Variants in CDKL5 observed in about 807,000 individuals in gnomAD.
CDKL5 encodes cyclin-dependent kinase-like 5.
In CDKL5, 8 loss-of-function variants were observed where a neutral mutation model predicts 61.7. That is an observed-to-expected ratio of 0.13 (90% CI 0.08 to 0.23). CDKL5 has a LOEUF of 0.23. Among genes scored for constraint, CDKL5 ranks in the 10% least tolerant of loss-of-function variants. CDKL5 has a pLI of 1.00. For missense variants in CDKL5, 440 were observed against 734.5 expected (o/e 0.60, Z 4.63); for synonymous variants, 275 against 272.3 (o/e 1.01, Z -0.10).
At chrX:18,489,509 C>A (rs774478521) in intron 1 of CDKL5, among the ~76,000 whole-genome samples, 7 of 110,868 alleles carry the variant, frequency 6.3e-5, no homozygotes, top group Non-Finnish European at 9.4e-5. Context: ...CATAGGAAGC[C>A]TCTGCATAAT....
At chrX:18,625,307 C>T (rs1343621950) in intron 17 of CDKL5, 60 bp downstream of exon 17, 7 of 1,159,160 alleles carry the variant, frequency 6.0e-6, no homozygotes, top group South Asian at 1.8e-5. Context: ...TCCTGAGGAG[C>T]GGGGAGGGCA....
At chrX:18,512,540 T>C (rs1441494999) in intron 3 of CDKL5, among the ~76,000 whole-genome samples, 1 of 111,477 alleles carries the variant, frequency 9.0e-6, no homozygotes, top group South Asian at 3.7e-4. Flanking sequence ...GCTTTTGTAT[T>C]CTTCTTGAAA....
At chrX:18,442,618 C>T (rs1365599401) in intron 1 of CDKL5, among the ~76,000 whole-genome samples, 1 of 111,014 alleles carries the variant, frequency 9.0e-6, no homozygotes, top group Admixed American at 9.7e-5. Flanking sequence ...CTCAGCCTCC[C>T]GAGTAGCTGG....
chrX:18,647,893 G>GAAA (rs5901648), intron 20 of CDKL5, among the ~76,000 whole-genome samples: 1 of 106,821 alleles, frequency 9.4e-6, no homozygotes, highest in African/African-American at 3.4e-5. Flanking sequence ...CCAGTCTAAT[G>GAAA]AAAAAAAAAA....
chrX:18,495,693 A>T (rs1039690621), intron 1 of CDKL5, among the ~76,000 whole-genome samples: 2 of 111,586 alleles, frequency 1.8e-5, no homozygotes, highest in African/African-American at 6.5e-5. Context: ...CCTTGAATTT[A>T]TCAAACTCTC....
chrX:18,499,361 GTT>G (rs1192828653), intron 1 of CDKL5, among the ~76,000 whole-genome samples: 2 of 83,517 alleles, frequency 2.4e-5, no homozygotes, highest in Non-Finnish European at 2.4e-5. Context: ...TTCAGTCTTT[GTT>G]TTTTTTTTTT....
In CDKL5 at chrX:18,442,181, T is replaced by C. The variant is rs1424312646; in HGVS notation, c.-163+16486T>C. 4 of 111,496 alleles carry C rather than the reference T, an allele frequency of 3.6e-5. No individual in the cohort carries two copies. In the Admixed American group the frequency reaches 3.8e-4, roughly 11 times the overall value. 9.2% of individuals were successfully genotyped at this position (111,496 alleles called of 1,213,427 possible). A position where few individuals can be genotyped will look rare whatever the true frequency, so the allele number is the denominator to read the frequency against. On this transcript the variant is annotated intron_variant, in intron 1 of 17. Coordinates refer to ENST00000623535, the MANE Select transcript of CDKL5 (RefSeq NM_001323289.2). ...GCCCACCCCCAGGTTTGCATCACAA[T>C]GAGCCTACCTCAGGACTCTTTAGAG...
At chrX:18,483,444 G>A (rs1921662343) in intron 1 of CDKL5, among the ~76,000 whole-genome samples, 1 of 110,169 alleles carries the variant, frequency 9.1e-6, no homozygotes, top group Admixed American at 9.7e-5. Context: ...TTGAGATGGA[G>A]TCTCGCTCTG....
intron 2 of CDKL5, among the ~76,000 whole-genome samples, chrX:18,507,788 C>T (rs1922640292): frequency 9.0e-6 from 1 of 111,267 alleles, no homozygotes; most frequent in African/African-American, 3.3e-5. Flanking sequence ...TTACTTAATA[C>T]CTGGTAAATA....
At chrX:18,545,231 G>C (rs1306360615) in intron 3 of CDKL5, among the ~76,000 whole-genome samples, 1 of 110,659 alleles carries the variant, frequency 9.0e-6, no homozygotes, top group African/African-American at 3.3e-5. Context: ...GTGCAACTCT[G>C]TCTCAAATAA....
intron 3 of CDKL5, among the ~76,000 whole-genome samples, chrX:18,541,479 A>G (rs888595843): frequency 4.5e-5 from 5 of 111,212 alleles, no homozygotes; most frequent in Non-Finnish European, 9.4e-5. Context: ...TGAGTTTTAA[A>G]TTTCAGTTAT....
intron 20 of CDKL5, chrX:18,647,767 C>T (rs1270474047): frequency 6.6e-6 from 1 of 150,494 alleles, no homozygotes; most frequent in African/African-American, 3.1e-5. Context: ...CTCTTGTTGT[C>T]CTTGGGCAGC....
intron 12 of CDKL5, among the ~76,000 whole-genome samples, chrX:18,605,700 G>A (rs1425790592): frequency 1.8e-5 from 2 of 112,770 alleles, no homozygotes; most frequent in Non-Finnish European, 3.7e-5. Context: ...TGTGCCCAGT[G>A]CCTGGCACAA....
chrX:18,641,930 T>G, downstream of CDKL5: 2 of 1,069,843 alleles, frequency 1.9e-6, no homozygotes, highest in Non-Finnish European at 1.3e-6. Flanking sequence ...TCCATCTCGG[T>G]GGTGTGTGAG....
At chrX:18,538,249 G>T (rs1923908730) in intron 3 of CDKL5, among the ~76,000 whole-genome samples, 1 of 111,850 alleles carries the variant, frequency 8.9e-6, no homozygotes, top group African/African-American at 3.2e-5. Context: ...TTTCTTCAGT[G>T]AAGTACCCGT....
chrX:18,560,776 T>TACACACACACAC (rs57724882), intron 3 of CDKL5, among the ~76,000 whole-genome samples: 92 of 104,272 alleles, frequency 8.8e-4, no homozygotes, highest in African/African-American at 3.2e-3. Flanking sequence ...ATTCAAAAAA[T>TACACACACACAC]ACACACACAC....
chrX:18,498,167 T>TA (rs1408596808), intron 1 of CDKL5, among the ~76,000 whole-genome samples: 1 of 110,798 alleles, frequency 9.0e-6, no homozygotes, highest in Non-Finnish European at 1.9e-5. Context: ...TAGAGGTAAT[T>TA]AATATCCTGA....
intron 1 of CDKL5, among the ~76,000 whole-genome samples, chrX:18,436,434 G>A (rs1041139721): frequency 6.3e-5 from 7 of 111,657 alleles, no homozygotes; most frequent in African/African-American, 2.3e-4. Flanking sequence ...TGGAGAGTCT[G>A]TCCTTGGGGG....
chrX:18,518,405 T>A (rs1044751709), intron 3 of CDKL5, among the ~76,000 whole-genome samples: 4 of 65,439 alleles, frequency 6.1e-5, no homozygotes, highest in Non-Finnish European at 1.2e-4. Context: ...TTTTTTTTTT[T>A]TTTTTTTTTT....
Sources: gnomAD v4.1 joint callset for allele counts (sites outside exome capture counted in the v4.1 genomes callset) on GRCh38, gnomAD v4.1.1 for gene constraint, MANE v1.5 for transcripts, NCBI Gene and HGNC (gene_info 2026-07-23, HGNC 2026-07-21) for gene names.